Variants in SPARC observed in about 807,000 individuals in gnomAD.
The protein encoded by SPARC is secreted protein acidic and cysteine rich.
Under a neutral mutation model 37.7 loss-of-function variants are expected in SPARC, and 23 were observed. The observed-to-expected ratio is 0.61, with a 90% confidence interval of 0.44 to 0.87. The LOEUF (loss-of-function observed/expected upper bound fraction) is 0.87, where lower values mean the gene tolerates loss of function less well. SPARC is among the 40% of genes least tolerant of loss of function. SPARC has a pLI of 0.00. For synonymous variants in SPARC, 155 were observed against 150.8 expected, an observed-to-expected ratio of 1.03 and a Z score of -0.20; for missense variants, 312 against 389.0, an observed-to-expected ratio of 0.80 and a Z score of 1.66.
chr5:151,663,951 G>GGCAGAGAGA (rs1289144451), intron 9 of SPARC, 136 bp downstream of exon 9: 3 of 1,032,594 alleles, frequency 2.9e-6, no homozygotes, highest in East Asian at 2.4e-5. Context: ...GAGTCAAATA[G>GGCAGAGAGA]GCAGAGAGAG....
chr5:151,661,315 C>T lies in SPARC; in HGVS notation c.*2256G>A, dbSNP rs1760495834. On this transcript the variant is annotated 3_prime_UTR_variant, in exon 10 of 10. Transcript: ENST00000231061. ...GCCAATGCTGAAATTTACTTCAATT[C>T]CTCTCTCTACAGATTCCTAGAGATT... 2 of 152,184 alleles carry T rather than the reference C, an allele frequency of 1.3e-5. No homozygotes were observed. The highest frequency in any genetic ancestry group is 1.3e-4 in the Admixed American group (2 of 15,278). The allele number at this position is 152,184 out of a possible 1,614,324, so 9.4% of individuals were successfully genotyped here.
chr5:151,680,838 C>T (rs1158909271), intron 1 of SPARC, among the ~76,000 whole-genome samples: 1 of 152,152 alleles, frequency 6.6e-6, no homozygotes, highest in Admixed American at 6.5e-5. Flanking sequence ...GCAATGTTGT[C>T]GTTGGGAAGA....
intron 1 of SPARC, among the ~76,000 whole-genome samples, chr5:151,681,481 C>T (rs1393466009): frequency 6.6e-6 from 1 of 152,198 alleles, no homozygotes; most frequent in Non-Finnish European, 1.5e-5. Flanking sequence ...GCCAGAAAAT[C>T]CTTTATTTCA....
intron 1 of SPARC, among the ~76,000 whole-genome samples, chr5:151,678,889 G>A (rs532225657): frequency 1.1e-4 from 17 of 150,728 alleles, no homozygotes; most frequent in African/African-American, 4.2e-4. Context: ...TGGGAGGGAA[G>A]GGAAGCGGCT....
In SPARC at chr5:151,666,480, G is replaced by A. The variant is rs1186080640; in HGVS notation, c.615C>T (p.Arg205=). 3 of 1,614,016 alleles carry A rather than the reference G, an allele frequency of 1.9e-6. No homozygotes were observed. The highest frequency in any genetic ancestry group is 1.3e-5 in the African/African-American group (1 of 74,920). The change falls in exon 8 of 10, where the codon CGC becomes CGT. Residue 205 remains arginine, a synonymous_variant. Coordinates refer to ENST00000231061, the MANE Select transcript of SPARC (RefSeq NM_003118.4). ...CCACGGGGTGGTCTCCTGCCTCCAG[G>A]CGCTTCTCATTCTCATGGATCTTCT... ...RVKKIHENEK[R]LEAGDHPVEL...
chr5:151,670,280 A>G (rs919024382), intron 5 of SPARC, among the ~76,000 whole-genome samples: 1 of 152,236 alleles, frequency 6.6e-6, no homozygotes, highest in African/African-American at 2.4e-5. Flanking sequence ...TGTTTGTACA[A>G]ACAATCTGGT....
At chr5:151,663,655 C>T in intron 9 of SPARC, 56 bp from the exon 10 acceptor site, 1 of 1,585,270 alleles carries the variant, frequency 6.3e-7, no homozygotes, top group Non-Finnish European at 8.7e-7. Context: ...TGATAACGCA[C>T]TTCCCAAGGA....
chr5:151,663,940 G>T lies in SPARC; in HGVS notation c.883+147C>A, dbSNP rs193232197. The T allele has an allele frequency of 5.4e-4, 497 of 920,568 alleles. 4 individuals carry two copies. In the African/African-American group the frequency reaches 6.1e-3, roughly 11 times the overall value. 57.0% of individuals were successfully genotyped at this position (920,568 alleles called of 1,614,324 possible). A position where few individuals can be genotyped will look rare whatever the true frequency, so the allele number is the denominator to read the frequency against. On this transcript the variant is annotated intron_variant, in intron 9 of 9. Coordinates refer to ENST00000231061, the MANE Select transcript of SPARC (RefSeq NM_003118.4). ...GGATCAGGAAGACGCCCAAGAGACA[G>T]GAGTCAAATAGGCAGAGAGAGCAGA...
chr5:151,667,626 A>G, intron 6 of SPARC, 26 bp from the exon 7 acceptor site: 2 of 1,613,044 alleles, frequency 1.2e-6, no homozygotes, highest in Non-Finnish European at 1.7e-6. Flanking sequence ...AAGGGCGGTC[A>G]GCACAGACCC....
At position 151,672,162 on chromosome 5, in the gene SPARC, C is replaced by G. The variant is rs745819545; in HGVS notation, c.209-468G>C. Among the ~76,000 whole-genome samples, 64 of 152,116 alleles carry G rather than the reference C, an allele frequency of 4.2e-4. 2 individuals are homozygous for G. The highest frequency in any genetic ancestry group is 7.6e-4 in the Non-Finnish European group (52 of 68,030). On this transcript the variant is annotated intron_variant, in intron 4 of 9. Transcript: ENST00000231061. ...GGCAGTAAAGGAAAAGGGAGAAGAG[C>G]CTCAAAGTCCATGCTGGACAATAGA...
At chr5:151,663,679 C>A in intron 9 of SPARC, 80 bp from the exon 10 acceptor site, 1 of 1,398,180 alleles carries the variant, frequency 7.2e-7, no homozygotes, top group South Asian at 1.2e-5. Flanking sequence ...AGTGGACTCC[C>A]ACCCATCCCC....
chr5:151,671,854 G>A, intron 4 of SPARC, 160 bp from the exon 5 acceptor site: 5 of 849,040 alleles, frequency 5.9e-6, no homozygotes, highest in Non-Finnish European at 8.9e-6. Flanking sequence ...GAGCCTCACA[G>A]TCAACATTTA....
At chr5:151,666,906 C>T (rs1010608799) in intron 7 of SPARC, among the ~76,000 whole-genome samples, 2 of 152,172 alleles carry the variant, frequency 1.3e-5, no homozygotes, top group Non-Finnish European at 2.9e-5. Flanking sequence ...TGCCTGCAGT[C>T]CCAGCTACTC....
At position 151,662,229 on chromosome 5, in the gene SPARC, A is replaced by G. The variant is rs1760520716; in HGVS notation, c.*1342T>C. The G allele has an allele frequency of 6.5e-6, 1 of 152,702 alleles. No individual in the cohort carries two copies. The highest frequency in any genetic ancestry group is 2.4e-5 in the African/African-American group (1 of 41,478). The allele number at this position is 152,702 out of a possible 1,614,324, so 9.5% of individuals were successfully genotyped here. On this transcript the variant is annotated 3_prime_UTR_variant, in exon 10 of 10. Transcript: ENST00000231061. ...GGTTAAACCACAGGTCATTAAATGAAAACAGCTAACTTAGTGCTTACAGGA... is the reference window on the plus strand; with the variant it reads ...GGTTAAACCACAGGTCATTAAATGAGAACAGCTAACTTAGTGCTTACAGGA...
intron 8 of SPARC, among the ~76,000 whole-genome samples, 198 bp from the exon 9 acceptor site, chr5:151,664,433 C>T (rs993655995): frequency 3.4e-4 from 51 of 152,212 alleles, no homozygotes; most frequent in African/African-American, 1.2e-3. Context: ...GTGCACCATT[C>T]GGAACCTCAG....
Position 151,666,520 on chromosome 5 carries a change from A to G in SPARC, c.586-11T>C. ...ATGGATCTTCTTCACCTGAGGGAGT[A>G]GAGACTGTGTGTGACAAGAGGTCCA... On this transcript the variant is annotated splice_polypyrimidine_tract_variant and intron_variant, in intron 7 of 9. Coordinates refer to ENST00000231061, the MANE Select transcript of SPARC (RefSeq NM_003118.4). 6.2e-7 allele frequency: 1 copy of G among 1,612,862 alleles called. No homozygotes were observed. The highest frequency in any genetic ancestry group is 8.5e-7 in the Non-Finnish European group (1 of 1,179,332).
chr5:151,674,734 A>C, intron 2 of SPARC, 60 bp from the exon 3 acceptor site: 1 of 1,549,814 alleles, frequency 6.5e-7, no homozygotes, highest in Non-Finnish European at 8.9e-7. Context: ...TTCACCTCCA[A>C]AGTGCCTGTG....
intron 7 of SPARC, 36 bp downstream of exon 7, chr5:151,667,431 C>A: frequency 1.2e-6 from 2 of 1,613,502 alleles, no homozygotes; most frequent in Non-Finnish European, 1.7e-6. Flanking sequence ...GGATCTTCAC[C>A]AGCACGGGGC....
intron 6 of SPARC, among the ~76,000 whole-genome samples, 173 bp downstream of exon 6, chr5:151,669,491 G>C (rs946192433): frequency 6.6e-6 from 1 of 152,170 alleles, no homozygotes; most frequent in African/African-American, 2.4e-5. Flanking sequence ...TCAGAGTTGA[G>C]AGGAGCCAAC....
Sources: allele counts gnomAD v4.1 joint callset (sites outside exome capture counted in the v4.1 genomes callset), GRCh38; gene constraint gnomAD v4.1.1; transcripts MANE v1.5; gene names NCBI Gene and HGNC (gene_info 2026-07-23, HGNC 2026-07-21).